SH3RF1: variants seen among roughly 807,000 people sequenced by gnomAD.
SH3RF1 encodes the protein SH3 domain containing ring finger 1, also known as E3 ubiquitin-protein ligase SH3RF1.
Under a neutral mutation model 74.0 loss-of-function variants are expected in SH3RF1, and 32 were observed. That is an observed-to-expected ratio of 0.43 (90% CI 0.33 to 0.58). The LOEUF is 0.58. Among genes scored for constraint, SH3RF1 ranks in the 20% least tolerant of loss-of-function variants. The pLI, the probability that SH3RF1 is intolerant of heterozygous loss-of-function variation, is 0.05. For missense variants in SH3RF1, 954 were observed against 1,130.9 expected, an observed-to-expected ratio of 0.84 and a Z score of 2.24; for synonymous variants, 396 against 439.6, an observed-to-expected ratio of 0.90 and a Z score of 1.24.
chr4:169,119,601 G>A (rs1733404453), intron 8 of SH3RF1, among the ~76,000 whole-genome samples: 1 of 151,952 alleles, frequency 6.6e-6, no homozygotes, highest in African/African-American at 2.4e-5. Flanking sequence ...TTTTCTGGAT[G>A]GGATGGATTC....
intron 2 of SH3RF1, among the ~76,000 whole-genome samples, chr4:169,207,441 T>C (rs549089980): frequency 1.3e-5 from 2 of 152,302 alleles, no homozygotes; most frequent in Non-Finnish European, 2.9e-5. Flanking sequence ...AAATAAGTAA[T>C]TTTAAAGAGA....
intron 2 of SH3RF1, among the ~76,000 whole-genome samples, chr4:169,163,274 A>C (rs1466144432): frequency 6.6e-6 from 1 of 152,094 alleles, no homozygotes; most frequent in Non-Finnish European, 1.5e-5. Flanking sequence ...TCCAAATTTC[A>C]AAACGAAAAA....
In SH3RF1 at chr4:169,216,139, T is replaced by C. The variant is rs575425768; in HGVS notation, c.393+52681A>G. Among the ~76,000 whole-genome samples the C allele has an allele frequency of 4.4e-4, 67 of 152,166 alleles. 1 individual carries two copies. Among genetic ancestry groups the C allele is most frequent in the Non-Finnish European group, 8.1e-4 (55 of 68,034 alleles). On this transcript the variant is annotated intron_variant, in intron 2 of 11. Coordinates refer to ENST00000284637, the MANE Select transcript of SH3RF1 (RefSeq NM_020870.4). The stretch of plus-strand genomic sequence containing the variant: ...GTAATGTAGTATCTGTGATATATGT[T>C]AGCTATATTTGTATCAGTAGTTTAA...
intron 4 of SH3RF1, among the ~76,000 whole-genome samples, chr4:169,147,303 A>T (rs79936568): frequency 0.011 from 1,678 of 152,330 alleles, 12 homozygotes; most frequent in Non-Finnish European, 0.015. Flanking sequence ...AGAAATATAC[A>T]TGTATCTCAG....
chr4:169,224,129 A>G (rs1730615636), intron 2 of SH3RF1, among the ~76,000 whole-genome samples: 1 of 152,190 alleles, frequency 6.6e-6, no homozygotes, highest in South Asian at 2.1e-4. Flanking sequence ...AAGCTCCACT[A>G]ATTTCTAAAC....
chr4:169,123,890 T>C (rs1411059361), intron 6 of SH3RF1, among the ~76,000 whole-genome samples: 12 of 148,132 alleles, frequency 8.1e-5, no homozygotes, highest in Admixed American at 8.0e-4. Flanking sequence ...AGACTCCGTC[T>C]CAAAAAAAAA....
At chr4:169,121,263 A>G (rs1018446864) in intron 7 of SH3RF1, among the ~76,000 whole-genome samples, 14 of 152,234 alleles carry the variant, frequency 9.2e-5, no homozygotes, top group Non-Finnish European at 1.8e-4. Context: ...AGTGTGAAAG[A>G]ATTAATGCAG....
intron 4 of SH3RF1, among the ~76,000 whole-genome samples, chr4:169,140,598 T>C (rs941356968): frequency 3.3e-5 from 5 of 152,004 alleles, no homozygotes; most frequent in African/African-American, 1.2e-4. Context: ...TGAGATGAAA[T>C]ACTGACAAAA....
chr4:169,188,448 G>A (rs1734646125), intron 2 of SH3RF1, among the ~76,000 whole-genome samples: 2 of 152,298 alleles, frequency 1.3e-5, no homozygotes, highest in South Asian at 4.1e-4. Flanking sequence ...ACTGCTGGAA[G>A]GTTGAAGCAA....
chr4:169,155,494 T>C lies in SH3RF1; in HGVS notation c.751A>G (p.Ile251Val), dbSNP rs779805533. ...MLADKIGIFP[I>V]SYVEFNSAAK... The stretch of plus-strand genomic sequence containing the variant: ...GATTAATTTACCTCAACATATGAAA[T>C]TGGAAATATTCCTATTTTGTCTGCC... The change falls in exon 4 of 12, where the codon ATT becomes GTT. Residue 251 changes from isoleucine to valine, a missense_variant. Around this residue, in one of 3 missense-constraint regions of SH3RF1, gnomAD observed 854 missense variants for 962.5 expected, o/e 0.89. Coordinates refer to ENST00000284637, the MANE Select transcript of SH3RF1 (RefSeq NM_020870.4). 8.1e-6 allele frequency: 13 copies of C among 1,612,414 alleles called. No individual in the cohort carries two copies. The highest frequency in any genetic ancestry group is 1.3e-5 in the African/African-American group (1 of 74,866).
At chr4:169,149,608 C>T (rs970029911) in intron 4 of SH3RF1, among the ~76,000 whole-genome samples, 1 of 152,184 alleles carries the variant, frequency 6.6e-6, no homozygotes, top group Middle Eastern at 3.2e-3. Context: ...AATTTATTTA[C>T]TTCAGGTTTG....
In SH3RF1 at chr4:169,269,257, T is replaced by G; in HGVS notation, c.-45A>C. 6.6e-7 allele frequency: 1 copy of G among 1,513,126 alleles called. No homozygotes were observed. The highest frequency in any genetic ancestry group is 8.8e-7 in the Non-Finnish European group (1 of 1,137,302). The allele number at this position is 1,513,126 out of a possible 1,614,324, so 93.7% of individuals were successfully genotyped here. Reference sequence around the variant, plus strand: ...AAAAAATCTTCAGAAATGTTCATAGTTGTGTGCATCCCTTAAAATGACTCA... The same window carrying G: ...AAAAAATCTTCAGAAATGTTCATAGGTGTGTGCATCCCTTAAAATGACTCA... On this transcript the variant is annotated 5_prime_UTR_variant, in exon 2 of 12. Coordinates refer to ENST00000284637, the MANE Select transcript of SH3RF1 (RefSeq NM_020870.4).
At chr4:169,142,652 A>T (rs1474979013) in intron 4 of SH3RF1, among the ~76,000 whole-genome samples, 1 of 152,210 alleles carries the variant, frequency 6.6e-6, no homozygotes, top group Non-Finnish European at 1.5e-5. Flanking sequence ...TTGAAATGCC[A>T]TGTTTTAAAT....
Position 169,156,683 on chromosome 4 carries a change from T to A in SH3RF1, c.394-4A>T, listed in dbSNP as rs766573781. The A allele has an allele frequency of 1.2e-4, 162 of 1,331,782 alleles. No individual in the cohort carries two copies. Among genetic ancestry groups the A allele is most frequent in the South Asian group, 2.2e-4 (15 of 67,696 alleles). The allele number at this position is 1,331,782 out of a possible 1,614,324, so 82.5% of individuals were successfully genotyped here. A position where few individuals can be genotyped will look rare whatever the true frequency, so the allele number is the denominator to read the frequency against. ...CACATGGTAACTGAGGTATACCCTT[T>A]AAAAAAAAAAGAGGGATGAATTTTA... On this transcript the variant is annotated splice_polypyrimidine_tract_variant and splice_region_variant and intron_variant, in intron 2 of 11. Transcript: ENST00000284637.
intron 2 of SH3RF1, among the ~76,000 whole-genome samples, chr4:169,192,988 C>T (rs1734753108): frequency 6.6e-6 from 1 of 151,306 alleles, no homozygotes; most frequent in Non-Finnish European, 1.5e-5. Context: ...TTTGCAGCAA[C>T]CTGGATGAGA....
chr4:169,134,467 C>G (rs1733665061), intron 5 of SH3RF1, among the ~76,000 whole-genome samples: 1 of 152,234 alleles, frequency 6.6e-6, no homozygotes, highest in Non-Finnish European at 1.5e-5. Context: ...TAAAGCTATT[C>G]CCATTCTGAG....
intron 2 of SH3RF1, among the ~76,000 whole-genome samples, chr4:169,185,494 C>CT (rs150975393): frequency 0.014 from 2,205 of 152,268 alleles, 25 homozygotes; most frequent in Non-Finnish European, 0.024. Context: ...TTATTCTTTT[C>CT]TTTTAAGGAA....
intron 6 of SH3RF1, among the ~76,000 whole-genome samples, chr4:169,122,805 A>G (rs998764906): frequency 6.6e-6 from 1 of 152,036 alleles, no homozygotes; most frequent in Admixed American, 6.5e-5. Flanking sequence ...CATTGTTGCT[A>G]CTTTTGCTTA....
At chr4:169,237,308 T>C (rs1378027208) in intron 2 of SH3RF1, among the ~76,000 whole-genome samples, 1 of 152,194 alleles carries the variant, frequency 6.6e-6, no homozygotes, top group Non-Finnish European at 1.5e-5. Context: ...TTTCCAAAGG[T>C]GACTTTCACC....
Sources: allele counts gnomAD v4.1 joint callset (sites outside exome capture counted in the v4.1 genomes callset), GRCh38; gene constraint gnomAD v4.1.1; regional missense constraint gnomAD v4.1.1; transcripts MANE v1.5; gene names NCBI Gene and HGNC (gene_info 2026-07-23, HGNC 2026-07-21).